The following LRP1B variants were observed in gnomAD, a reference collection of about 807,000 sequenced individuals.
LRP1B encodes the protein low-density lipoprotein receptor-related protein 1B.
A neutral mutation model predicts 556.6 loss-of-function variants in LRP1B; 217 were observed. That is an observed-to-expected ratio of 0.39 (90% CI 0.35 to 0.44). The LOEUF is 0.44. LRP1B is among the 20% of genes least tolerant of loss of function. The probability of loss-of-function intolerance (pLI) is 1.00; values close to 1 mark genes in which losing one functional copy is unlikely to be tolerated. For synonymous variants in LRP1B, 2,047 were observed against 1,865.8 expected (o/e 1.10, Z -2.50); for missense variants, 5,053 against 5,620.8 (o/e 0.90, Z 3.23).
intron 1 of LRP1B, among the ~76,000 whole-genome samples, chr2:141,983,396 G>A (rs950902873): frequency 6.6e-6 from 1 of 152,040 alleles, no homozygotes; most frequent in Non-Finnish European, 1.5e-5. Context: ...AAAACCCTAT[G>A]CATTTCACCT....
chr2:141,841,655 G>A (rs1234037157), intron 1 of LRP1B, among the ~76,000 whole-genome samples: 1 of 152,170 alleles, frequency 6.6e-6, no homozygotes, highest in East Asian at 1.9e-4. Flanking sequence ...CGAAGTGAGA[G>A]AGAGTTAAGC....
chr2:141,437,584 C>T (rs983901146), intron 3 of LRP1B, among the ~76,000 whole-genome samples: 1 of 151,856 alleles, frequency 6.6e-6, no homozygotes, highest in African/African-American at 2.4e-5. Flanking sequence ...TAATTAACTT[C>T]CAACTACCTT....
At chr2:141,463,691 T>G (rs1298754005) in intron 3 of LRP1B, among the ~76,000 whole-genome samples, 3 of 141,576 alleles carry the variant, frequency 2.1e-5, no homozygotes, top group Non-Finnish European at 3.0e-5. Flanking sequence ...ATAAGTGGTA[T>G]CTATACAATA....
intron 79 of LRP1B, among the ~76,000 whole-genome samples, chr2:140,331,884 G>A (rs1002814170): frequency 2.6e-5 from 4 of 151,504 alleles, no homozygotes; most frequent in Admixed American, 2.6e-4. Context: ...TTTAGTAGAG[G>A]CAGGGTTTTG....
At chr2:141,972,128 T>C (rs1701759258) in intron 1 of LRP1B, among the ~76,000 whole-genome samples, 1 of 151,614 alleles carries the variant, frequency 6.6e-6, no homozygotes, top group Non-Finnish European at 1.5e-5. Flanking sequence ...AATACATGTA[T>C]ATTATTTTCC....
chr2:141,240,845 T>C (rs1159600967), intron 5 of LRP1B, among the ~76,000 whole-genome samples: 1 of 151,970 alleles, frequency 6.6e-6, no homozygotes, highest in Non-Finnish European at 1.5e-5. Flanking sequence ...ATGAAGAAAA[T>C]GGAAGACATG....
chr2:140,760,891 A>AAAAAT lies in LRP1B; in HGVS notation c.5758+8317_5758+8321dup, dbSNP rs201180828. 3.9e-3 allele frequency among the ~76,000 whole-genome samples: 592 copies of AAAAAT among 152,242 alleles called. 3 individuals are homozygous for AAAAAT. The highest frequency in any genetic ancestry group is 0.012 in the African/African-American group (495 of 41,532). ...GCGACACAGTGAGACTCTGTCTCAA[A>AAAAAT]AAAATAAAATAAAATAAAATAATAA... On this transcript the variant is annotated intron_variant, in intron 35 of 90. Transcript: ENST00000389484.
rs553967307 is a variant in LRP1B at position 141,091,836 on chromosome 2, T to C, written c.1014-29563A>G. Among the ~76,000 whole-genome samples, 4 of 152,350 alleles carry C rather than the reference T, an allele frequency of 2.6e-5. No homozygotes were observed. In the South Asian group the frequency reaches 8.3e-4, roughly 32 times the overall value. On this transcript the variant is annotated intron_variant, in intron 7 of 90. Coordinates refer to ENST00000389484, the MANE Select transcript of LRP1B (RefSeq NM_018557.3). ...ACAGCAAGGCCACCATATTTGTGAC[T>C]GTTGTTGGGCTCTGTGGTGGTAGGA...
At chr2:140,352,678 C>T (rs921112961) in intron 76 of LRP1B, among the ~76,000 whole-genome samples, 2 of 152,060 alleles carry the variant, frequency 1.3e-5, no homozygotes, top group African/African-American at 4.8e-5. Context: ...CATTCTATCA[C>T]ACTGGCTTTT....
rs140074212 is a variant in LRP1B, at chr2:141,306,328, A to C, written c.344-51687T>G. On this transcript the variant is annotated intron_variant, in intron 3 of 90. Transcript: ENST00000389484. The stretch of plus-strand genomic sequence containing the variant: ...TTTATCACTCATTATTGGGTTCTTC[A>C]GGTTTTCTCTTTCTTCTTAATTTAA... Among the ~76,000 whole-genome samples, 528 of 152,028 alleles carry C rather than the reference A, an allele frequency of 3.5e-3. 3 individuals are homozygous for C. Among genetic ancestry groups the C allele is most frequent in the African/African-American group, 0.012 (513 of 41,476 alleles).
chr2:140,376,716 T>A (rs1009043472), intron 68 of LRP1B, among the ~76,000 whole-genome samples: 2 of 152,204 alleles, frequency 1.3e-5, no homozygotes, highest in Admixed American at 6.5e-5. Context: ...TTACATGTGT[T>A]TGTTTTCAAA....
At chr2:140,748,981 G>A (rs909132740) in intron 35 of LRP1B, among the ~76,000 whole-genome samples, 5 of 150,910 alleles carry the variant, frequency 3.3e-5, no homozygotes, top group Admixed American at 2.0e-4. Flanking sequence ...ACTACTACAC[G>A]CTTAGGTTAT....
At chr2:140,379,578 C>T (rs999353693) in intron 67 of LRP1B, among the ~76,000 whole-genome samples, 18 of 152,062 alleles carry the variant, frequency 1.2e-4, no homozygotes, top group African/African-American at 4.1e-4. Context: ...GCCTGTAATC[C>T]CAGCTACTTG....
At position 140,846,425 on chromosome 2, in the gene LRP1B, C is replaced by T. The variant is rs373385830; in HGVS notation, c.4939+3677G>A. Among the ~76,000 whole-genome samples, 426 of 151,970 alleles carry T rather than the reference C, an allele frequency of 2.8e-3. 3 individuals are homozygous for T. Among genetic ancestry groups the T allele is most frequent in the African/African-American group, 9.8e-3 (406 of 41,464 alleles). Reference sequence around the variant, plus strand: ...TCAGAAAATTAGCTGGGCATGGTGGCGGGTGCCTGTAATCCCAGCTACTCG... The same window carrying T: ...TCAGAAAATTAGCTGGGCATGGTGGTGGGTGCCTGTAATCCCAGCTACTCG... On this transcript the variant is annotated intron_variant, in intron 29 of 90. Transcript: ENST00000389484.
chr2:141,352,362 T>A (rs1246231680), intron 3 of LRP1B, among the ~76,000 whole-genome samples: 1 of 151,946 alleles, frequency 6.6e-6, no homozygotes, highest in Admixed American at 6.6e-5. Context: ...CATGGGGTTA[T>A]GCTATAAGTG....
intron 66 of LRP1B, among the ~76,000 whole-genome samples, chr2:140,393,433 C>CTTTTTTTTT (rs530739346): frequency 6.8e-6 from 1 of 146,942 alleles, no homozygotes; most frequent in Non-Finnish European, 1.5e-5. Flanking sequence ...TGTTTCGTTC[C>CTTTTTTTTT]TTTTTTTTTT....
chr2:140,535,814 C>T (rs1476655269), intron 46 of LRP1B, among the ~76,000 whole-genome samples: 3 of 152,028 alleles, frequency 2.0e-5, no homozygotes, highest in Non-Finnish European at 4.4e-5. Flanking sequence ...ATCTCTACTC[C>T]TGAGGGTAGA....
intron 1 of LRP1B, among the ~76,000 whole-genome samples, chr2:142,067,040 C>A (rs1160388843): frequency 1.3e-5 from 2 of 151,432 alleles, no homozygotes; most frequent in African/African-American, 4.8e-5. Flanking sequence ...ATAGATCTCT[C>A]CTGTCTTCAA....
chr2:141,212,513 T>G (rs896466694), intron 6 of LRP1B, among the ~76,000 whole-genome samples: 52 of 151,426 alleles, frequency 3.4e-4, no homozygotes, highest in Non-Finnish European at 1.0e-4. Flanking sequence ...CTTGATCTCC[T>G]GACCTCGTGA....
Sources: gnomAD v4.1 joint callset for allele counts (sites outside exome capture counted in the v4.1 genomes callset) on GRCh38, gnomAD v4.1.1 for gene constraint, MANE v1.5 for transcripts, NCBI Gene and HGNC (gene_info 2026-07-23, HGNC 2026-07-21) for gene names.